The following CELF2 variants were observed in gnomAD, a reference collection of about 807,000 sequenced individuals.
CELF2 encodes the protein CUGBP Elav-like family member 2.
Under a neutral mutation model 62.6 loss-of-function variants are expected in CELF2, and 8 were observed. The ratio of observed to expected loss-of-function variants is 0.13; its 90% CI spans 0.07 to 0.23. The LOEUF (loss-of-function observed/expected upper bound fraction) is 0.23, where lower values mean the gene tolerates loss of function less well. Among genes scored for constraint, CELF2 ranks in the 10% least tolerant of loss-of-function variants. The probability of loss-of-function intolerance (pLI) is 1.00; values close to 1 mark genes in which losing one functional copy is unlikely to be tolerated. For synonymous variants in CELF2, 258 were observed against 250.0 expected (o/e 1.03, Z -0.30); for missense variants, 333 against 671.0 (o/e 0.50, Z 5.56).
the CELF2 span, among the ~76,000 whole-genome samples, chr10:10,472,716 C>T: frequency 2.0e-5 from 3 of 151,868 alleles, no homozygotes; most frequent in Non-Finnish European, 4.4e-5. Context: ...TCTGTTATTA[C>T]AGTATTTAAT....
the CELF2 span, among the ~76,000 whole-genome samples, chr10:10,760,682 C>G: frequency 6.6e-6 from 1 of 152,174 alleles, no homozygotes; most frequent in Non-Finnish European, 1.5e-5. Context: ...AGTGAAATGA[C>G]ATGTCCGCTG....
intron 9 of CELF2, among the ~76,000 whole-genome samples, chr10:11,301,212 C>T (rs992038507): frequency 9.9e-5 from 15 of 152,036 alleles, no homozygotes; most frequent in Non-Finnish European, 2.1e-4. Flanking sequence ...TCCCTTTCGT[C>T]GTGGATCTGG....
chr10:10,787,179 C>G, the CELF2 span, among the ~76,000 whole-genome samples: 2 of 151,184 alleles, frequency 1.3e-5, no homozygotes, highest in Non-Finnish European at 2.9e-5. Context: ...AATCAGAATT[C>G]TCACTTTTTA....
intron 1 of CELF2, among the ~76,000 whole-genome samples, chr10:10,858,855 G>C (rs1395659215): frequency 1.3e-5 from 2 of 152,026 alleles, no homozygotes; most frequent in African/African-American, 4.8e-5. Context: ...AGCCAGAAGA[G>C]TTTAAAAAGT....
chr10:11,155,882 A>G (rs679944), intron 1 of CELF2, among the ~76,000 whole-genome samples: 41,641 of 152,120 alleles, frequency 0.27, 6,846 homozygotes, highest in East Asian at 0.75. Flanking sequence ...TTGATTACAC[A>G]TCATTTACGA....
At chr10:10,641,695 C>T in the CELF2 span, among the ~76,000 whole-genome samples, 47 of 152,206 alleles carry the variant, frequency 3.1e-4, no homozygotes, top group South Asian at 3.1e-3. Context: ...GCAATCTGCC[C>T]GCCTCGGCCT....
intron 2 of CELF2, among the ~76,000 whole-genome samples, chr10:11,187,579 C>CG (rs1554920891): frequency 6.6e-6 from 1 of 151,448 alleles, no homozygotes; most frequent in Non-Finnish European, 1.5e-5. Flanking sequence ...GGTCGCCCCC[C>CG]CCCCAACCTG....
intron 1 of CELF2, among the ~76,000 whole-genome samples, chr10:11,096,056 C>G (rs2049784858): frequency 6.6e-6 from 1 of 152,162 alleles, no homozygotes; most frequent in Non-Finnish European, 1.5e-5. Flanking sequence ...GTACTGATAC[C>G]CGATTTTGCA....
chr10:11,009,825 G>C (rs1593065345), intron 1 of CELF2, among the ~76,000 whole-genome samples: 1 of 152,228 alleles, frequency 6.6e-6, no homozygotes, highest in Non-Finnish European at 1.5e-5. Context: ...TGGAAAGGAA[G>C]AGCTTGAGGT....
At chr10:10,530,027 A>G in the CELF2 span, among the ~76,000 whole-genome samples, 1 of 152,116 alleles carries the variant, frequency 6.6e-6, no homozygotes, top group Non-Finnish European at 1.5e-5. Flanking sequence ...GATTTTCCCC[A>G]CTCACCATTC....
At chr10:10,927,963 T>C (rs539196770) in intron 2 of CELF2, among the ~76,000 whole-genome samples, 1 of 152,282 alleles carries the variant, frequency 6.6e-6, no homozygotes, top group African/African-American at 2.4e-5. Flanking sequence ...CAATGCACTT[T>C]GGTTCCAAGG....
the CELF2 span, among the ~76,000 whole-genome samples, chr10:10,610,479 T>G: frequency 2.0e-5 from 3 of 152,210 alleles, no homozygotes; most frequent in Non-Finnish European, 4.4e-5. Context: ...GGTTGGTATT[T>G]TTTTAGAAGT....
chr10:11,101,060 G>C (rs972370212), intron 1 of CELF2, among the ~76,000 whole-genome samples: 1 of 152,320 alleles, frequency 6.6e-6, no homozygotes, highest in African/African-American at 2.4e-5. Context: ...GTGTTTGAGA[G>C]AGATTTAGAA....
At chr10:10,966,130 T>C (rs1034709592) in intron 2 of CELF2, among the ~76,000 whole-genome samples, 12 of 152,260 alleles carry the variant, frequency 7.9e-5, no homozygotes, top group African/African-American at 2.4e-4. Context: ...TGGTGAGTTT[T>C]GGTTTACACA....
At chr10:11,298,043 T>C (rs2093366263) in intron 9 of CELF2, among the ~76,000 whole-genome samples, 2 of 152,228 alleles carry the variant, frequency 1.3e-5, no homozygotes, top group Admixed American at 1.3e-4. Context: ...GAAGAAGTTT[T>C]TATGTTTTTG....
intron 2 of CELF2, among the ~76,000 whole-genome samples, chr10:11,205,565 A>AGGG (rs1270381377): frequency 6.6e-6 from 1 of 152,226 alleles, no homozygotes; most frequent in Non-Finnish European, 1.5e-5. Flanking sequence ...CCAGAGGCTT[A>AGGG]GGGAGGTGAG....
At chr10:10,674,024 A>G in the CELF2 span, among the ~76,000 whole-genome samples, 1 of 152,186 alleles carries the variant, frequency 6.6e-6, no homozygotes, top group African/African-American at 2.4e-5. Flanking sequence ...TAATTTATAG[A>G]TGTCCATTAT....
At chr10:10,823,897 C>A (rs752136920) in intron 1 of CELF2, among the ~76,000 whole-genome samples, 2 of 151,616 alleles carry the variant, frequency 1.3e-5, no homozygotes, top group Admixed American at 6.6e-5. Context: ...TATTTCAGAT[C>A]GTGTGTGTGT....
intron 12 of CELF2, among the ~76,000 whole-genome samples, chr10:11,327,829 TTCC>T (rs1188112894): frequency 6.6e-6 from 1 of 152,240 alleles, no homozygotes; most frequent in Non-Finnish European, 1.5e-5. Context: ...TGTCCTCTTC[TTCC>T]TCCTCTAGTT....
Sources: allele counts gnomAD v4.1 joint callset (sites outside exome capture counted in the v4.1 genomes callset), GRCh38; gene constraint gnomAD v4.1.1; transcripts MANE v1.5; gene names NCBI Gene and HGNC (gene_info 2026-07-23, HGNC 2026-07-21).